The following ATP9A variants were observed in gnomAD, a reference collection of about 807,000 sequenced individuals.
ATP9A encodes the protein ATPase phospholipid transporting 9A.
A neutral mutation model predicts 144.1 loss-of-function variants in ATP9A; 52 were observed. The observed-to-expected ratio is 0.36, with a 90% CI of 0.29 to 0.45. The LOEUF is 0.45. Ranked by LOEUF, ATP9A falls within the 20% of genes least tolerant of loss-of-function variation. The pLI, the probability that ATP9A is intolerant of heterozygous loss-of-function variation, is 1.00. For synonymous variants in ATP9A, 582 were observed against 557.4 expected, an observed-to-expected ratio of 1.04 and a Z score of -0.62; for missense variants, 947 against 1,392.7, an observed-to-expected ratio of 0.68 and a Z score of 5.09.
intron 1 of ATP9A, among the ~76,000 whole-genome samples, chr20:51,742,324 C>CAAA (rs74175576): frequency 2.5e-5 from 3 of 118,130 alleles, no homozygotes; most frequent in Non-Finnish European, 5.3e-5. Context: ...AACACTGTCT[C>CAAA]AAAAAAAAAA....
rs577278184 is a variant in ATP9A, at chr20:51,717,165, G to A, written c.328-4091C>T. Among the ~76,000 whole-genome samples the A allele has an allele frequency of 2.5e-4, 22 of 86,858 alleles. No individual in the cohort carries two copies. The East Asian group carries it at 7.9e-3, about 31-fold the overall frequency. 57.0% of individuals were successfully genotyped at this position (86,858 alleles called of 152,430 possible). ...CCAGCCTGGGTGACAGAGCAAGACT[G>A]CCTCAAAAAAAAAAAAAAAAAAAAA... is the stretch of plus-strand genomic sequence containing the variant. On this transcript the variant is annotated intron_variant, in intron 3 of 27. Coordinates refer to ENST00000338821, the MANE Select transcript of ATP9A (RefSeq NM_006045.3).
At chr20:51,670,626 A>T (rs1228801571) in intron 12 of ATP9A, among the ~76,000 whole-genome samples, 1 of 152,144 alleles carries the variant, frequency 6.6e-6, no homozygotes, top group Non-Finnish European at 1.5e-5. Flanking sequence ...TACCCCATGG[A>T]CATTAAGCAG....
At chr20:51,619,616 C>G (rs1295619229) in intron 19 of ATP9A, among the ~76,000 whole-genome samples, 1 of 147,158 alleles carries the variant, frequency 6.8e-6, no homozygotes. Context: ...CACCTGTAAT[C>G]TCAGCACCTT....
intron 1 of ATP9A, among the ~76,000 whole-genome samples, chr20:51,751,322 C>T (rs1260433611): frequency 1.4e-5 from 2 of 146,556 alleles, no homozygotes; most frequent in Middle Eastern, 7.1e-3. Context: ...TGCAGTGACG[C>T]GATCATGGCT....
intron 14 of ATP9A, among the ~76,000 whole-genome samples, chr20:51,650,699 C>A (rs2122761651): frequency 6.6e-6 from 1 of 152,194 alleles, no homozygotes; most frequent in Admixed American, 6.5e-5. Context: ...AGGAGAGCAA[C>A]AGGCTTCTCA....
At chr20:51,760,490 G>A (rs912270970) in intron 1 of ATP9A, among the ~76,000 whole-genome samples, 1 of 152,184 alleles carries the variant, frequency 6.6e-6, no homozygotes, top group Non-Finnish European at 1.5e-5. Flanking sequence ...ACTTTGGGAG[G>A]CCAAGGCAGG....
chr20:51,685,017 T>TAAAAAAAAAAAAAA (rs11325921), intron 9 of ATP9A, among the ~76,000 whole-genome samples: 2 of 139,868 alleles, frequency 1.4e-5, no homozygotes, highest in South Asian at 2.3e-4. Context: ...TCTCCAAAAA[T>TAAAAAAAAAAAAAA]AAAAAAAAAA....
intron 1 of ATP9A, among the ~76,000 whole-genome samples, chr20:51,749,720 T>C (rs2077823531): frequency 6.6e-6 from 1 of 152,214 alleles, no homozygotes. Context: ...ATGGTAAGAC[T>C]GGCTGCCTGG....
chr20:51,748,591 G>A (rs1444261972), intron 1 of ATP9A, among the ~76,000 whole-genome samples: 1 of 152,008 alleles, frequency 6.6e-6, no homozygotes, highest in East Asian at 1.9e-4. Flanking sequence ...TCTTAATAAT[G>A]GCAAGGATGG....
rs896452164 is a variant in ATP9A, at chr20:51,604,914, C to T, written c.2910G>A (p.Ala970=). 15 of 1,611,700 alleles carry T rather than the reference C, an allele frequency of 9.3e-6. No homozygotes were observed. In the African/African-American group the frequency reaches 9.4e-5, roughly 10 times the overall value. Residue 970 remains alanine (A), a synonymous_variant, in exon 27 of 28, where the codon GCG becomes GCA. Transcript: ENST00000338821. ...SLILTELLMV[A]LTIQTWHWLM... is the part of the protein sequence containing the mutation. ...GCCAGTGCCAGGTCTGGATGGTCAG[C>T]GCCACCATGAGCAGCTCGGTGAGGA...
At chr20:51,605,374 T>C (rs2077159127) in intron 26 of ATP9A, among the ~76,000 whole-genome samples, 1 of 152,138 alleles carries the variant, frequency 6.6e-6, no homozygotes, top group South Asian at 2.1e-4. Flanking sequence ...AACCCACAAT[T>C]TGGGAGGCCA....
intron 1 of ATP9A, among the ~76,000 whole-genome samples, chr20:51,749,270 T>A (rs943891935): frequency 6.7e-6 from 1 of 150,226 alleles, no homozygotes; most frequent in East Asian, 1.9e-4. Flanking sequence ...AGCTCAGAAT[T>A]TTTTTTTTTT....
At chr20:51,612,730 T>C (rs2077189355) in intron 23 of ATP9A, among the ~76,000 whole-genome samples, 1 of 152,136 alleles carries the variant, frequency 6.6e-6, no homozygotes, top group South Asian at 2.1e-4. Context: ...TGGCCTATGA[T>C]GACAGATTTT....
At chr20:51,706,909 G>T (rs1269181365) in intron 4 of ATP9A, among the ~76,000 whole-genome samples, 1 of 152,118 alleles carries the variant, frequency 6.6e-6, no homozygotes, top group African/African-American at 2.4e-5. Context: ...TGCCTGTACT[G>T]TATATGAATT....
chr20:51,626,758 G>A (rs1050321704), intron 17 of ATP9A, among the ~76,000 whole-genome samples: 1 of 151,964 alleles, frequency 6.6e-6, no homozygotes, highest in African/African-American at 2.4e-5. Flanking sequence ...AACTACTAAG[G>A]ATATAAGAAT....
chr20:51,612,778 C>T (rs2077189525), intron 23 of ATP9A, among the ~76,000 whole-genome samples: 1 of 152,164 alleles, frequency 6.6e-6, no homozygotes, highest in Admixed American at 6.6e-5. Context: ...AAAATATATA[C>T]TCTAGAATCC....
chr20:51,664,691 C>T (rs1830730147), intron 13 of ATP9A, among the ~76,000 whole-genome samples: 1 of 151,986 alleles, frequency 6.6e-6, no homozygotes, highest in South Asian at 2.1e-4. Context: ...GGGTAAGGAA[C>T]ACTGAGAATT....
At chr20:51,737,697 T>C (rs557351700) in intron 1 of ATP9A, among the ~76,000 whole-genome samples, 28 of 152,332 alleles carry the variant, frequency 1.8e-4, no homozygotes, top group Non-Finnish European at 3.5e-4. Flanking sequence ...CTTATGAACA[T>C]GTATTACACT....
intron 22 of ATP9A, 45 bp from the exon 23 acceptor site, chr20:51,613,877 A>C: frequency 1.3e-6 from 2 of 1,558,904 alleles, no homozygotes; most frequent in African/African-American, 2.7e-5. Flanking sequence ...ACAAGAGGTC[A>C]GGGCAAACAC....
Sources: allele counts gnomAD v4.1 joint callset (sites outside exome capture counted in the v4.1 genomes callset), GRCh38; gene constraint gnomAD v4.1.1; transcripts MANE v1.5; gene names NCBI Gene and HGNC (gene_info 2026-07-23, HGNC 2026-07-21).